Variants in FEZ2 observed in about 807,000 individuals in gnomAD.
FEZ2 encodes fasciculation and elongation protein zeta 2.
Under a neutral mutation model 40.4 loss-of-function variants are expected in FEZ2, and 51 were observed. The ratio of observed to expected loss-of-function variants is 1.26; its 90% CI spans 1.01 to 1.59. FEZ2 has a LOEUF of 1.59. Ranked by LOEUF, FEZ2 falls within the 40% of genes most tolerant of loss-of-function variation. The pLI, the probability that FEZ2 is intolerant of heterozygous loss-of-function variation, is 0.00. For synonymous variants in FEZ2, 242 were observed against 172.0 expected (o/e 1.41, Z -3.18); for missense variants, 640 against 438.3 (o/e 1.46, Z -4.11).
At chr2:36,583,747 G>A (rs912264548) in intron 2 of FEZ2, among the ~76,000 whole-genome samples, 1 of 152,194 alleles carries the variant, frequency 6.6e-6, no homozygotes, top group Non-Finnish European at 1.5e-5. Flanking sequence ...TCATTAGCAA[G>A]TCATAGGGAA....
In FEZ2 at chr2:36,553,093, T is replaced by C. The variant is rs1667860535; in HGVS notation, c.*70A>G. ...GAGTTTCCAATAGCAAGAAGGGTAATGGTAGCCAGCTCTCAGAATAATGCT... is the reference window on the plus strand; with the variant it reads ...GAGTTTCCAATAGCAAGAAGGGTAACGGTAGCCAGCTCTCAGAATAATGCT... On this transcript the variant is annotated 3_prime_UTR_variant, in exon 8 of 8. Transcript: ENST00000405912. 2 of 1,332,322 alleles carry C rather than the reference T, an allele frequency of 1.5e-6. No individual in the cohort carries two copies. The highest frequency in any genetic ancestry group is 2.1e-6 in the Non-Finnish European group (2 of 949,336). 82.5% of individuals were successfully genotyped at this position (1,332,322 alleles called of 1,614,324 possible). A position where few individuals can be genotyped will look rare whatever the true frequency, so the allele number is the denominator to read the frequency against.
chr2:36,553,237 AACAT>A, intron 7 of FEZ2, 58 bp from the exon 8 acceptor site: 1 of 1,234,130 alleles, frequency 8.1e-7, no homozygotes, highest in South Asian at 1.3e-5. Context: ...ATTTACACAA[AACAT>A]ACATTTTACA....
intron 5 of FEZ2, chr2:36,561,566 T>C (rs1410148563): frequency 6.6e-6 from 1 of 152,212 alleles, no homozygotes; most frequent in Non-Finnish European, 1.5e-5. Context: ...TTCTTTGTAC[T>C]GAAAAGGGAG....
At chr2:36,567,723 T>C (rs1448843950) in intron 5 of FEZ2, among the ~76,000 whole-genome samples, 3 of 150,984 alleles carry the variant, frequency 2.0e-5, no homozygotes, top group African/African-American at 4.9e-5. Flanking sequence ...GATCGCACCA[T>C]TGCACTCCAG....
chr2:36,562,559 G>A (rs919226016), intron 5 of FEZ2, among the ~76,000 whole-genome samples: 4 of 152,192 alleles, frequency 2.6e-5, no homozygotes, highest in African/African-American at 9.7e-5. Flanking sequence ...GCTTCAGCAA[G>A]AATCAAATGT....
chr2:36,583,248 A>G, intron 3 of FEZ2, 105 bp downstream of exon 3: 1 of 667,250 alleles, frequency 1.5e-6, no homozygotes, highest in Non-Finnish European at 2.7e-6. Flanking sequence ...AGAAAAAAAT[A>G]GGAAAGATAA....
At chr2:36,597,691 G>T (rs1026255818) in intron 1 of FEZ2, among the ~76,000 whole-genome samples, 186 bp downstream of exon 1, 2 of 152,176 alleles carry the variant, frequency 1.3e-5, no homozygotes, top group Admixed American at 6.5e-5. Flanking sequence ...TCGTGGCGGC[G>T]GGGGGCAGGG....
At position 36,597,952 on chromosome 2, in the gene FEZ2, G is replaced by A. The variant is rs1418339513; in HGVS notation, c.191C>T (p.Pro64Leu). 19 of 1,462,866 alleles carry A rather than the reference G, an allele frequency of 1.3e-5. No homozygotes were observed. Among genetic ancestry groups the A allele is most frequent in the African/African-American group, 1.5e-5 (1 of 67,746 alleles). The allele number at this position is 1,462,866 out of a possible 1,614,324, so 90.6% of individuals were successfully genotyped here. A position where few individuals can be genotyped will look rare whatever the true frequency, so the allele number is the denominator to read the frequency against. ...CGGGGGCTCGGCGCCCGGATCCGAG[G>A]GGCGGAAGCACAGGCTCAGCTTCTC... ...LEEKLSLCFR[P>L]SDPGAEPPRT... is the part of the protein sequence containing the mutation. Residue 64 changes from proline (P) to leucine (L), a missense_variant, in exon 1 of 8, where the codon CCC (proline) becomes CTC (leucine). Coordinates refer to ENST00000405912, the MANE Select transcript of FEZ2 (RefSeq NM_005102.3).
chr2:36,569,730 C>A (rs1217227148), intron 5 of FEZ2, among the ~76,000 whole-genome samples: 1 of 152,200 alleles, frequency 6.6e-6, no homozygotes, highest in African/African-American at 2.4e-5. Flanking sequence ...AGGAAATTTA[C>A]ACTATTCCCG....
intron 2 of FEZ2, chr2:36,590,319 T>C (rs1450686658): frequency 2.0e-5 from 3 of 151,934 alleles, no homozygotes; most frequent in Admixed American, 6.6e-5. Context: ...ACTCTCAGTA[T>C]ATTAAACCAA....
chr2:36,594,170 G>C (rs1669147873), intron 1 of FEZ2, among the ~76,000 whole-genome samples: 1 of 151,964 alleles, frequency 6.6e-6, no homozygotes, highest in South Asian at 2.1e-4. Context: ...TCAGCATTTT[G>C]GGAAAGCCAT....
intron 5 of FEZ2, among the ~76,000 whole-genome samples, chr2:36,574,077 A>G (rs1324456355): frequency 1.3e-5 from 2 of 152,162 alleles, no homozygotes; most frequent in African/African-American, 2.4e-5. Flanking sequence ...TAAATTTCAG[A>G]CTCCTACAAG....
At chr2:36,569,062 T>C (rs2125227178) in intron 5 of FEZ2, among the ~76,000 whole-genome samples, 1 of 152,306 alleles carries the variant, frequency 6.6e-6, no homozygotes, top group Non-Finnish European at 1.5e-5. Context: ...CTCATTCCAA[T>C]GCATGCTGGT....
chr2:36,577,464 G>T (rs534734458), intron 5 of FEZ2, among the ~76,000 whole-genome samples: 3 of 152,074 alleles, frequency 2.0e-5, no homozygotes, highest in Non-Finnish European at 4.4e-5. Flanking sequence ...TCCATGTTGA[G>T]GCTGGTCTCG....
chr2:36,594,395 G>A (rs543775475), intron 1 of FEZ2: 26 of 166,508 alleles, frequency 1.6e-4, no homozygotes, highest in East Asian at 1.4e-3. Context: ...GGAAGAAAAC[G>A]AGGTTTAATT....
chr2:36,562,059 T>C (rs1241472526), intron 5 of FEZ2, among the ~76,000 whole-genome samples: 1 of 152,216 alleles, frequency 6.6e-6, no homozygotes, highest in East Asian at 1.9e-4. Context: ...TCTCATGACT[T>C]ACAGTGAAAT....
intron 5 of FEZ2, among the ~76,000 whole-genome samples, chr2:36,567,450 C>T (rs926401425): frequency 1.3e-5 from 2 of 152,092 alleles, no homozygotes; most frequent in African/African-American, 4.8e-5. Context: ...AAACATAAAA[C>T]AATGGAGTGA....
chr2:36,590,618 C>T, intron 2 of FEZ2: 1 of 286,014 alleles, frequency 3.5e-6, no homozygotes, highest in East Asian at 7.4e-5. Flanking sequence ...TAGTAAGCCA[C>T]TGTACTCCAG....
At chr2:36,588,720 G>A (rs948769849) in intron 2 of FEZ2, among the ~76,000 whole-genome samples, 1 of 150,852 alleles carries the variant, frequency 6.6e-6, no homozygotes, top group Non-Finnish European at 1.5e-5. Context: ...ATATTGTATC[G>A]GTTTTCGGTT....
Sources: gnomAD v4.1 joint callset for allele counts (sites outside exome capture counted in the v4.1 genomes callset) on GRCh38, gnomAD v4.1.1 for gene constraint, MANE v1.5 for transcripts, NCBI Gene and HGNC (gene_info 2026-07-23, HGNC 2026-07-21) for gene names.